NBAS: variants seen among roughly 807,000 people sequenced by gnomAD.
NBAS encodes the protein NBAS subunit of NRZ tethering complex, also known as NAG/BC035112 fusion.
A neutral mutation model predicts 302.5 loss-of-function variants in NBAS; 219 were observed. That is an observed-to-expected ratio of 0.72 (90% confidence interval 0.65 to 0.81). NBAS has a LOEUF of 0.81. Among genes scored for constraint, NBAS ranks in the 30% least tolerant of loss-of-function variants. The pLI, the probability that NBAS is intolerant of heterozygous loss-of-function variation, is 0.00. For missense variants in NBAS, 2,932 were observed against 2,841.6 expected (o/e 1.03, Z -0.72); for synonymous variants, 1,118 against 1,021.6 (o/e 1.09, Z -1.80).
the NBAS span, among the ~76,000 whole-genome samples, chr2:14,967,720 C>A: frequency 1.3e-5 from 2 of 152,220 alleles, no homozygotes; most frequent in Admixed American, 6.5e-5. Context: ...TGGACTTAAT[C>A]AAAATCAAAA....
chr2:15,519,307 G>A (rs896950475), intron 9 of NBAS, among the ~76,000 whole-genome samples: 8 of 152,122 alleles, frequency 5.3e-5, no homozygotes, highest in Admixed American at 3.3e-4. Flanking sequence ...ACGGTGTGCC[G>A]GTTAGGGGGC....
chr2:15,401,823 G>A (rs1305342359), intron 26 of NBAS, among the ~76,000 whole-genome samples: 1 of 152,108 alleles, frequency 6.6e-6, no homozygotes, highest in Non-Finnish European at 1.5e-5. Flanking sequence ...CAATAAATAT[G>A]AAAAATGCTT....
At chr2:14,944,323 C>CA in the NBAS span, among the ~76,000 whole-genome samples, 5 of 151,912 alleles carry the variant, frequency 3.3e-5, no homozygotes, top group South Asian at 2.1e-4. Flanking sequence ...AACAAAAAAA[C>CA]AAAAAAACAA....
intron 25 of NBAS, 64 bp from the exon 26 acceptor site, chr2:15,402,365 C>T (rs980596084): frequency 5.0e-5 from 73 of 1,460,430 alleles, no homozygotes; most frequent in Non-Finnish European, 6.8e-5. Flanking sequence ...TTCCATATCC[C>T]AATACTACTG....
Position 15,558,578 on chromosome 2 carries a change from A to T in NBAS, c.172+2T>A, listed in dbSNP as rs1664755894. 1 of 1,611,828 alleles carries T rather than the reference A, an allele frequency of 6.2e-7. No homozygotes were observed. Among genetic ancestry groups the T allele is most frequent in the African/African-American group, 1.3e-5 (1 of 75,016 alleles). ...TACTGTAGAGAAATAAGCTATATTT[A>T]CCTCGAATTGCTTTCGTGATGATAA... On this transcript the variant is annotated splice_donor_variant, in intron 2 of 51. Transcript: ENST00000281513. LOFTEE classifies it high-confidence loss of function.
chr2:15,455,828 T>C (rs933857519), intron 21 of NBAS, among the ~76,000 whole-genome samples: 3 of 151,500 alleles, frequency 2.0e-5, no homozygotes, highest in Admixed American at 6.6e-5. Context: ...ACAGTCTTTT[T>C]AACCAAATTG....
At chr2:14,800,512 G>T in the NBAS span, among the ~76,000 whole-genome samples, 1 of 152,090 alleles carries the variant, frequency 6.6e-6, no homozygotes, top group Non-Finnish European at 1.5e-5. Context: ...TGTGAAAGTG[G>T]ACTAATATGC....
chr2:15,027,746 C>T, the NBAS span, among the ~76,000 whole-genome samples: 1 of 152,132 alleles, frequency 6.6e-6, no homozygotes, highest in Non-Finnish European at 1.5e-5. Context: ...ATAACGTTTA[C>T]CACTGATTTT....
chr2:14,978,945 C>A, the NBAS span, among the ~76,000 whole-genome samples: 2 of 152,244 alleles, frequency 1.3e-5, no homozygotes, highest in South Asian at 4.2e-4. Flanking sequence ...ACTCAAATTG[C>A]AAAACTTGAA....
chr2:15,528,723 C>T lies in NBAS; in HGVS notation c.746+5820G>A, dbSNP rs116181868. On this transcript the variant is annotated intron_variant, in intron 9 of 51. Coordinates refer to ENST00000281513, the MANE Select transcript of NBAS (RefSeq NM_015909.4). ...TCTCTACAAAAATACAAAAATTAGC[C>T]GGACCTGATGGCAAGAGCCTGTAAT... 8.0e-3 allele frequency among the ~76,000 whole-genome samples: 1,196 copies of T among 149,546 alleles called. 21 individuals carry two copies. The highest frequency in any genetic ancestry group is 0.025 in the African/African-American group (1,039 of 41,042).
chr2:15,047,723 C>T, the NBAS span, among the ~76,000 whole-genome samples: 1 of 128,984 alleles, frequency 7.8e-6, no homozygotes, highest in Non-Finnish European at 1.7e-5. Flanking sequence ...CGTGCAAGTG[C>T]AGGCTGGGCC....
chr2:14,963,044 G>A, the NBAS span, among the ~76,000 whole-genome samples: 10 of 152,110 alleles, frequency 6.6e-5, no homozygotes, highest in African/African-American at 2.4e-4. Flanking sequence ...TGAGATGGGT[G>A]AATTATCTGA....
chr2:15,367,695 T>C (rs906266248), intron 31 of NBAS, among the ~76,000 whole-genome samples: 2 of 152,178 alleles, frequency 1.3e-5, no homozygotes, highest in Non-Finnish European at 2.9e-5. Flanking sequence ...ATATCTTGTG[T>C]TCTCTCAAAA....
the NBAS span, among the ~76,000 whole-genome samples, chr2:14,854,229 A>T: frequency 6.6e-6 from 1 of 152,026 alleles, no homozygotes; most frequent in South Asian, 2.1e-4. Context: ...TTGAAAGAGA[A>T]GGAAAACTTC....
the NBAS span, among the ~76,000 whole-genome samples, chr2:15,025,597 A>G: frequency 6.6e-6 from 1 of 152,118 alleles, no homozygotes; most frequent in African/African-American, 2.4e-5. Context: ...ATCCATGAGG[A>G]TGGAATGTTT....
At chr2:14,800,800 T>G in the NBAS span, among the ~76,000 whole-genome samples, 8 of 151,404 alleles carry the variant, frequency 5.3e-5, no homozygotes, top group Admixed American at 2.6e-4. Flanking sequence ...TGTTTTTTTT[T>G]TTTTAGGCAC....
chr2:14,820,643 CTG>C, the NBAS span, among the ~76,000 whole-genome samples: 1 of 152,146 alleles, frequency 6.6e-6, no homozygotes, highest in Non-Finnish European at 1.5e-5. Flanking sequence ...AATAATTTAA[CTG>C]TATATTTTAA....
chr2:15,375,071 T>A (rs1401897001), intron 30 of NBAS, among the ~76,000 whole-genome samples: 3 of 152,092 alleles, frequency 2.0e-5, no homozygotes, highest in East Asian at 1.9e-4. Context: ...CAAAAAAAAA[T>A]TTTAAAGGAT....
chr2:15,276,985 C>T lies in NBAS; in HGVS notation c.5255G>A (p.Gly1752Asp), dbSNP rs1349568680. The T allele has an allele frequency of 6.2e-7, 1 of 1,613,938 alleles. No homozygotes were observed. Among genetic ancestry groups the T allele is most frequent in the Non-Finnish European group, 8.5e-7 (1 of 1,179,964 alleles). ...CTGCAGCCTTTCGTGATCAAAGCCA[C>T]CAATAGTAGGGTAAATATACTTGAC... ...HMVKYIYPTIGGFDHERLQYY... is the reference protein window; with the variant it reads ...HMVKYIYPTIDGFDHERLQYY... The change falls in exon 43 of 52, where the codon GGT (glycine) becomes GAT (aspartate). Residue 1752 changes from glycine to aspartate, a missense_variant. Physicochemically the swap from Gly to Asp is moderately conservative, Grantham distance 94. Coordinates refer to ENST00000281513, the MANE Select transcript of NBAS (RefSeq NM_015909.4).
Sources: gnomAD v4.1 joint callset for allele counts (sites outside exome capture counted in the v4.1 genomes callset) on GRCh38, gnomAD v4.1.1 for gene constraint, MANE v1.5 for transcripts, NCBI Gene and HGNC (gene_info 2026-07-23, HGNC 2026-07-21) for gene names.